Variants in HSPG2 observed in about 807,000 individuals in gnomAD.
The protein encoded by HSPG2 is heparan sulfate proteoglycan 2.
HSPG2 carries 278 observed loss-of-function variants against 526.6 expected under a neutral mutation model. That is an observed-to-expected ratio of 0.53 (90% CI 0.48 to 0.58). HSPG2 has a LOEUF of 0.58. HSPG2 is among the 20% of genes least tolerant of loss of function. The pLI is 0.00. For synonymous variants in HSPG2, 2,465 were observed against 2,555.4 expected (o/e 0.96, Z 1.07); for missense variants, 5,354 against 6,099.5 (o/e 0.88, Z 4.07).
chr1:21,853,041 C>G lies in HSPG2; in HGVS notation c.6469G>C (p.Glu2157Gln). The G allele has an allele frequency of 6.2e-7, 1 of 1,613,866 alleles. No individual in the cohort carries two copies. The highest frequency in any genetic ancestry group is 8.5e-7 in the Non-Finnish European group (1 of 1,179,946). The change falls in exon 51 of 97, where the codon GAG (glutamate) becomes CAG (glutamine). Residue 2157 changes from glutamate to glutamine, a missense_variant. Coordinates refer to ENST00000374695, the MANE Select transcript of HSPG2 (RefSeq NM_005529.7). The part of the protein sequence containing the change: ...VPGSTRPIRI[E>Q]PSSSHVAEGQ... ...TCCGCCACGTGTGAGGAGGAGGGCT[C>G]GATGCGGATGGGCCGGGTGCTGCCG...
At position 21,872,989 on chromosome 1, in the gene HSPG2, G is replaced by A. The variant is rs903382701; in HGVS notation, c.3888+8C>T. 1.1e-5 allele frequency: 18 copies of A among 1,610,160 alleles called. No individual in the cohort carries two copies. Among genetic ancestry groups the A allele is most frequent in the Middle Eastern group, 1.6e-4 (1 of 6,084 alleles). ...GCAGGCCCCGCAGGGACAGGGATTCGGACTGACCTTGCACTGGCACTGACC... is the reference window on the plus strand; with the variant it reads ...GCAGGCCCCGCAGGGACAGGGATTCAGACTGACCTTGCACTGGCACTGACC... On this transcript the variant is annotated splice_region_variant and intron_variant, in intron 31 of 96. Coordinates refer to ENST00000374695, the MANE Select transcript of HSPG2 (RefSeq NM_005529.7). The surrounding 1 kb of genome is among the most constrained non-coding windows in gnomAD (Gnocchi z 5.5).
At chr1:21,868,890 C>A (rs1037433085) in intron 33 of HSPG2, 1 of 970,916 alleles carries the variant, frequency 1.0e-6, no homozygotes, top group African/African-American at 1.8e-5. Context: ...GTTACCTTGT[C>A]CCCCAGGAAG....
Position 21,829,612 on chromosome 1 carries a change from A to G in HSPG2, c.11771-8T>C. 1 of 1,601,204 alleles carries G rather than the reference A, an allele frequency of 6.2e-7. No individual in the cohort carries two copies. Among genetic ancestry groups the G allele is most frequent in the South Asian group, 1.1e-5 (1 of 90,392 alleles). On this transcript the variant is annotated splice_region_variant and splice_polypyrimidine_tract_variant and intron_variant, in intron 86 of 96. Coordinates refer to ENST00000374695, the MANE Select transcript of HSPG2 (RefSeq NM_005529.7). ...GGGTGGTCACTGTCACACCTGCAGC[A>G]GCCACAGCTCAGCTGAGGCAGTGGG... is the stretch of plus-strand genomic sequence containing the variant.
Position 21,855,297 on chromosome 1 carries a change from T to C in HSPG2, c.5997+7A>G. ...CCTCCTCCTCCTGGGTGGGCCCATC[T>C]CCTCACCTGTGGTGGGAGGCTGCCC... is the stretch of plus-strand genomic sequence containing the variant. On this transcript the variant is annotated splice_region_variant and intron_variant, in intron 47 of 96. Coordinates refer to ENST00000374695, the MANE Select transcript of HSPG2 (RefSeq NM_005529.7). 1 of 1,600,744 alleles carries C rather than the reference T, an allele frequency of 6.2e-7. No individual in the cohort carries two copies. The highest frequency in any genetic ancestry group is 8.5e-7 in the Non-Finnish European group (1 of 1,174,666).
Position 21,858,559 on chromosome 1 carries a change from G to A in HSPG2, c.5293+1007C>T, listed in dbSNP as rs1639524772. On this transcript the variant is annotated intron_variant, in intron 42 of 96. Coordinates refer to ENST00000374695, the MANE Select transcript of HSPG2 (RefSeq NM_005529.7). The surrounding 1 kb of genome is among the most constrained non-coding windows in gnomAD (Gnocchi z 4.2). Reference sequence around the variant, plus strand: ...TCACATACCCAAATGCCTGCCTGGTGGACTCAATGAGATATCTTCCCAAAC... The same window carrying A: ...TCACATACCCAAATGCCTGCCTGGTAGACTCAATGAGATATCTTCCCAAAC... Among the ~76,000 whole-genome samples, 1 of 152,178 alleles carries A rather than the reference G, an allele frequency of 6.6e-6. No individual in the cohort carries two copies.
Position 21,844,230 on chromosome 1 carries a change from T to C in HSPG2, c.8534A>G (p.Asp2845Gly). Reference sequence around the variant, plus strand: ...CTGCCCGGGCACCACGCACTTCAGATCCAGGGTCTGCCCTTCTGCCACTCG... The same window carrying C: ...CTGCCCGGGCACCACGCACTTCAGACCCAGGGTCTGCCCTTCTGCCACTCG... Reference protein sequence around the residue: ...SSRVAEGQTLDLKCVVPGQAH... With the variant: ...SSRVAEGQTLGLKCVVPGQAH... The change falls in exon 65 of 97, where the codon GAT becomes GGT. Residue 2845 changes from aspartate (D) to glycine (G), a missense_variant. Physicochemically the swap from Asp to Gly is moderately conservative, Grantham distance 94. Transcript: ENST00000374695. 6.2e-7 allele frequency: 1 copy of C among 1,613,772 alleles called. No homozygotes were observed. Among genetic ancestry groups the C allele is most frequent in the South Asian group, 1.1e-5 (1 of 91,078 alleles).
At chr1:21,855,945 G>T (rs1193157223) in intron 44 of HSPG2, 33 bp from the exon 45 acceptor site, 14 of 1,601,840 alleles carry the variant, frequency 8.7e-6, no homozygotes, top group Non-Finnish European at 1.2e-5. Flanking sequence ...ATGCACTCAG[G>T]GTGGGGAGTG....
At position 21,854,184 on chromosome 1, in the gene HSPG2, G is replaced by C. The variant is rs1445214510; in HGVS notation, c.6439+9C>G. On this transcript the variant is annotated intron_variant, in intron 50 of 96. Transcript: ENST00000374695. Reference sequence around the variant, plus strand: ...CTCAGCCCCGGCCCAGCCACACCTGGCTCCTCACCTGGGGTGTAGCTGGGG... The same window carrying C: ...CTCAGCCCCGGCCCAGCCACACCTGCCTCCTCACCTGGGGTGTAGCTGGGG... The C allele has an allele frequency of 6.3e-7, 1 of 1,575,056 alleles. No homozygotes were observed.
At chr1:21,835,310 G>T in intron 76 of HSPG2, 2 of 604,744 alleles carry the variant, frequency 3.3e-6, no homozygotes, top group Non-Finnish European at 5.9e-6. Context: ...AATCTTCATC[G>T]GTTCATCTGA....
chr1:21,824,001 C>T lies in HSPG2; in HGVS notation c.12899+120G>A. 2 of 1,050,452 alleles carry T rather than the reference C, an allele frequency of 1.9e-6. No individual in the cohort carries two copies. The highest frequency in any genetic ancestry group is 1.4e-5 in the South Asian group (1 of 73,926). 65.1% of individuals were successfully genotyped at this position (1,050,452 alleles called of 1,614,324 possible). On this transcript the variant is annotated intron_variant, in intron 95 of 96. Coordinates refer to ENST00000374695, the MANE Select transcript of HSPG2 (RefSeq NM_005529.7). This position sits in a 1 kb window ranked among gnomAD's most constrained non-coding sequence, Gnocchi z 5.9. The stretch of plus-strand genomic sequence containing the variant: ...CCCTGGCTGGTGGGTTCTCCCCTCC[C>T]CTGGCTTCAAGTTCTGTCTCCACAG...
rs1234107463 is a variant in HSPG2, at chr1:21,840,028, G to A, written c.9514-11C>T. On this transcript the variant is annotated splice_polypyrimidine_tract_variant and intron_variant, in intron 71 of 96. Transcript: ENST00000374695. ...TTTAGCTGATGAAATCTGGGAGAAAGCAAGGAGGCTGGTTATGTGGGGACT... is the reference window on the plus strand; with the variant it reads ...TTTAGCTGATGAAATCTGGGAGAAAACAAGGAGGCTGGTTATGTGGGGACT... 1 of 1,613,976 alleles carries A rather than the reference G, an allele frequency of 6.2e-7. No homozygotes were observed. The highest frequency in any genetic ancestry group is 8.5e-7 in the Non-Finnish European group (1 of 1,179,884).
rs779055569 is a variant in HSPG2 at position 21,832,577 on chromosome 1, C to G, written c.11125G>C (p.Val3709Leu). 6.2e-7 allele frequency: 1 copy of G among 1,614,068 alleles called. No individual in the cohort carries two copies. Among genetic ancestry groups the G allele is most frequent in the Admixed American group, 1.7e-5 (1 of 60,010 alleles). ...GCCAGGTTGGTGGGGCTCCCTGGGA[C>G]TCGCTTCTGCCCATTGTACAGCAGC... is the stretch of plus-strand genomic sequence containing the variant. ...GMLLYNGQKR[V>L]PGSPTNLANR... Residue 3709 changes from valine to leucine, a missense_variant, in exon 81 of 97, where the codon GTC (valine) becomes CTC (leucine). Transcript: ENST00000374695.
In HSPG2 at chr1:21,890,285, C is replaced by T. The variant is rs1642259114; in HGVS notation, c.413+142G>A. ...GGGCAACTAAAGGTCCCAATGATCC[C>T]CCGACCAATTCCTGAATTTCCACCC... On this transcript the variant is annotated intron_variant, in intron 5 of 96. Coordinates refer to ENST00000374695, the MANE Select transcript of HSPG2 (RefSeq NM_005529.7). This position sits in a 1 kb window ranked among gnomAD's most constrained non-coding sequence, Gnocchi z 4.1. 3.1e-6 allele frequency: 4 copies of T among 1,270,052 alleles called. No individual in the cohort carries two copies. The highest frequency in any genetic ancestry group is 2.9e-5 in the African/African-American group (2 of 68,418). The allele number at this position is 1,270,052 out of a possible 1,614,324, so 78.7% of individuals were successfully genotyped here. A position where few individuals can be genotyped will look rare whatever the true frequency, so the allele number is the denominator to read the frequency against.
chr1:21,913,995 G>A (rs997515417), intron 1 of HSPG2, among the ~76,000 whole-genome samples: 8 of 152,194 alleles, frequency 5.3e-5, no homozygotes, highest in Admixed American at 1.3e-4. Context: ...AATTTGTGGC[G>A]CTAAGCTGTG....
rs74859884 is a variant in HSPG2, at chr1:21,828,860, G to A, written c.12212C>T (p.Ala4071Val). The A allele has an allele frequency of 0.036, 55,362 of 1,551,510 alleles. 1,191 individuals are homozygous for A. Among genetic ancestry groups the A allele is most frequent in the Non-Finnish European group, 0.04 (46,049 of 1,147,280 alleles). The change falls in exon 88 of 97, where the codon GCT becomes GTT. Residue 4071 changes from alanine (A) to valine (V), a missense_variant. By Grantham distance (64) the Ala-to-Val change is moderately conservative. Transcript: ENST00000374695. The surrounding 1 kb of genome is among the most constrained non-coding windows in gnomAD (Gnocchi z 6.0). ...VPLSPATNMS[A>V]HFRGCVGEVS... The stretch of plus-strand genomic sequence containing the variant: ...CTCGCCCACACAGCCGCGGAAGTGA[G>A]CGCTCATGTTGGTGGCCGGGGACAG...
At position 21,904,193 on chromosome 1, in the gene HSPG2, G is replaced by A. The variant is rs1217266856; in HGVS notation, c.64-7883C>T. Among the ~76,000 whole-genome samples the A allele has an allele frequency of 6.6e-6, 1 of 152,212 alleles. No individual in the cohort carries two copies. Among genetic ancestry groups the A allele is most frequent in the African/African-American group, 2.4e-5 (1 of 41,452 alleles). On this transcript the variant is annotated intron_variant, in intron 1 of 96. Transcript: ENST00000374695. This position sits in a 1 kb window ranked among gnomAD's most constrained non-coding sequence, Gnocchi z 4.4. Reference sequence around the variant, plus strand: ...AAGGAAGGGGGCCGGCAGAGCCCAGGGGAGGGTCCCCTCACTTAGGGAGGT... The same window carrying A: ...AAGGAAGGGGGCCGGCAGAGCCCAGAGGAGGGTCCCCTCACTTAGGGAGGT...
chr1:21,890,625 G>C lies in HSPG2; in HGVS notation c.314C>G (p.Ser105Cys). Residue 105 changes from serine to cysteine, a missense_variant, in exon 4 of 97, where the codon TCC (serine) becomes TGC (cysteine). Physicochemically the swap from Ser to Cys is moderately radical, Grantham distance 112. Transcript: ENST00000374695. The surrounding 1 kb of genome is among the most constrained non-coding windows in gnomAD (Gnocchi z 4.1). ...EYSPQLEDAG[S>C]REFREVSEAV... ...CTCGGACACCTCTCGGAACTCTCTG[G>C]AGCCTGCATCCTCCAGCTGAGGGCT... is the stretch of plus-strand genomic sequence containing the variant. 4 of 1,614,012 alleles carry C rather than the reference G, an allele frequency of 2.5e-6. No homozygotes were observed. Among genetic ancestry groups the C allele is most frequent in the Non-Finnish European group, 3.4e-6 (4 of 1,179,926 alleles).
At chr1:21,899,392 A>G (rs947810889) in intron 1 of HSPG2, among the ~76,000 whole-genome samples, 1 of 152,174 alleles carries the variant, frequency 6.6e-6, no homozygotes, top group Admixed American at 6.5e-5. Flanking sequence ...TTGAAGAATA[A>G]TAACAGCTAA....
chr1:21,823,491 G>C lies in HSPG2; in HGVS notation c.13004-3C>G. On this transcript the variant is annotated splice_region_variant and splice_polypyrimidine_tract_variant and intron_variant, in intron 96 of 96. Coordinates refer to ENST00000374695, the MANE Select transcript of HSPG2 (RefSeq NM_005529.7). ...CGTGGCCACGTCAGGGGCTCCGCCT[G>C]CCGGGAGGTGAGAGGACAGGGCCTG... The C allele has an allele frequency of 2.5e-6, 4 of 1,603,992 alleles. No individual in the cohort carries two copies. Among genetic ancestry groups the C allele is most frequent in the Non-Finnish European group, 3.4e-6 (4 of 1,178,632 alleles).
Sources: gnomAD v4.1 joint callset for allele counts (sites outside exome capture counted in the v4.1 genomes callset) on GRCh38, gnomAD v4.1.1 for gene constraint, Gnocchi (gnomAD v3.1) non-coding constraint, MANE v1.5 for transcripts, NCBI Gene and HGNC (gene_info 2026-07-23, HGNC 2026-07-21) for gene names.